Variants in STIMATE observed in about 807,000 individuals in gnomAD.
The protein encoded by STIMATE is STIM activating enhancer.
In STIMATE, 15 loss-of-function variants were observed where a neutral mutation model predicts 36.7. The observed-to-expected ratio is 0.41, with a 90% CI of 0.27 to 0.63. The LOEUF (loss-of-function observed/expected upper bound fraction) is 0.63. Ranked by LOEUF, STIMATE falls within the 20% of genes least tolerant of loss-of-function variation. STIMATE has a pLI of 0.32. For synonymous variants in STIMATE, 163 were observed against 162.3 expected, an observed-to-expected ratio of 1.00 and a Z score of -0.03; for missense variants, 305 against 397.3, an observed-to-expected ratio of 0.77 and a Z score of 1.98.
intron 1 of STIMATE, among the ~76,000 whole-genome samples, chr3:52,895,093 C>G (rs1220350025): frequency 6.6e-6 from 1 of 152,238 alleles, no homozygotes; most frequent in Non-Finnish European, 1.5e-5. Flanking sequence ...TAGCCCAGGA[C>G]AAAGCCAAAT....
chr3:52,890,266 G>T (rs117706149), intron 1 of STIMATE, among the ~76,000 whole-genome samples: 1 of 152,190 alleles, frequency 6.6e-6, no homozygotes, highest in Non-Finnish European at 1.5e-5. Context: ...ATCCAATAGC[G>T]GGCTTGGCAC....
chr3:52,875,228 G>A (rs1413888310), intron 1 of STIMATE, among the ~76,000 whole-genome samples: 1 of 152,214 alleles, frequency 6.6e-6, no homozygotes, highest in Non-Finnish European at 1.5e-5. Flanking sequence ...TCTAATTTGT[G>A]TTGGATAAGA....
At position 52,843,814 on chromosome 3, in the gene STIMATE, G is replaced by A. The variant is rs1311844174; in HGVS notation, c.541-16C>T. The stretch of plus-strand genomic sequence containing the variant: ...ACAGGGCCACCTGTAAAGAGAAGCA[G>A]ACTCAGTGAGGTAGGGAGAGGCCAC... On this transcript the variant is annotated splice_polypyrimidine_tract_variant and intron_variant, in intron 5 of 7. Transcript: ENST00000355083. The A allele has an allele frequency of 1.3e-6, 2 of 1,573,454 alleles. No homozygotes were observed. Among genetic ancestry groups the A allele is most frequent in the Non-Finnish European group, 1.7e-6 (2 of 1,154,744 alleles).
Position 52,842,676 on chromosome 3 carries a change from A to G in STIMATE, c.768+135T>C, listed in dbSNP as rs1578797157. ...TCTGCCCCTCGCTCATCTCTGGCTC[A>G]GCCTCTTCTCCTGCCCTCTGGCTCG... On this transcript the variant is annotated intron_variant, in intron 7 of 7. Coordinates refer to ENST00000355083, the MANE Select transcript of STIMATE (RefSeq NM_198563.5). 3.3e-6 allele frequency: 5 copies of G among 1,513,744 alleles called. No individual in the cohort carries two copies. In the East Asian group the frequency reaches 1.1e-4, roughly 34 times the overall value. 93.8% of individuals were successfully genotyped at this position (1,513,744 alleles called of 1,614,324 possible).
At chr3:52,840,955 T>C (rs1039064050) in intron 7 of STIMATE, among the ~76,000 whole-genome samples, 3 of 152,156 alleles carry the variant, frequency 2.0e-5, no homozygotes, top group African/African-American at 7.2e-5. Context: ...ATCCACCTGC[T>C]TCGGACTCCC....
chr3:52,842,248 C>T (rs893405195), intron 7 of STIMATE, among the ~76,000 whole-genome samples: 3 of 152,182 alleles, frequency 2.0e-5, no homozygotes, highest in East Asian at 1.9e-4. Context: ...GCTGCGGGGC[C>T]GCCAGAACAC....
chr3:52,882,155 G>A (rs1701615946), intron 1 of STIMATE, among the ~76,000 whole-genome samples: 1 of 152,204 alleles, frequency 6.6e-6, no homozygotes, highest in African/African-American at 2.4e-5. Flanking sequence ...CTGGGGGCTG[G>A]GGTCCTTAGC....
chr3:52,892,233 T>C (rs1446090067), intron 1 of STIMATE, among the ~76,000 whole-genome samples: 3 of 152,206 alleles, frequency 2.0e-5, no homozygotes, highest in Non-Finnish European at 4.4e-5. Flanking sequence ...TTAAAAAAAA[T>C]GCATTTGGTA....
intron 1 of STIMATE, among the ~76,000 whole-genome samples, chr3:52,876,101 G>C (rs1285169680): frequency 6.6e-6 from 1 of 152,244 alleles, no homozygotes; most frequent in African/African-American, 2.4e-5. Context: ...ATCAACATCA[G>C]CAATACTGGT....
intron 3 of STIMATE, among the ~76,000 whole-genome samples, chr3:52,850,797 C>T (rs1225046108): frequency 6.6e-6 from 1 of 152,210 alleles, no homozygotes; most frequent in Non-Finnish European, 1.5e-5. Flanking sequence ...GCGGTGCAAT[C>T]AGCTCACTGC....
intron 2 of STIMATE, among the ~76,000 whole-genome samples, chr3:52,852,958 A>G (rs1701033936): frequency 6.6e-6 from 1 of 152,202 alleles, no homozygotes; most frequent in Non-Finnish European, 1.5e-5. Context: ...TTACTTCAAA[A>G]TAAAATGCTC....
intron 1 of STIMATE, among the ~76,000 whole-genome samples, chr3:52,896,783 G>C (rs867197620): frequency 2.0e-4 from 31 of 152,170 alleles, no homozygotes; most frequent in African/African-American, 7.5e-4. Context: ...ACTGGGAAAC[G>C]GAAGGCATGG....
chr3:52,840,331 T>G lies in STIMATE; in HGVS notation c.*163A>C. On this transcript the variant is annotated 3_prime_UTR_variant, in exon 8 of 8. Coordinates refer to ENST00000355083, the MANE Select transcript of STIMATE (RefSeq NM_198563.5). ...GGGCGCTGGCTCCTCTTCCCTCTTT[T>G]TAAGTCACAGTAGTCTGGGGGCAGG... is the stretch of plus-strand genomic sequence containing the variant. 1.2e-6 allele frequency: 1 copy of G among 807,752 alleles called. No individual in the cohort carries two copies. Among genetic ancestry groups the G allele is most frequent in the Non-Finnish European group, 1.9e-6 (1 of 533,204 alleles). 50.0% of individuals were successfully genotyped at this position (807,752 alleles called of 1,614,324 possible).
chr3:52,859,530 A>T (rs868643749), intron 1 of STIMATE, among the ~76,000 whole-genome samples: 2 of 47,068 alleles, frequency 4.2e-5, no homozygotes, highest in African/African-American at 1.2e-4. Flanking sequence ...AAAAAAAAAA[A>T]ATTTTTTTTT....
At chr3:52,875,376 C>G (rs1701485446) in intron 1 of STIMATE, among the ~76,000 whole-genome samples, 1 of 152,128 alleles carries the variant, frequency 6.6e-6, no homozygotes, top group Non-Finnish European at 1.5e-5. Flanking sequence ...CCCTGGCCAG[C>G]CCCACCACAG....
chr3:52,890,429 C>T (rs1701764482), intron 1 of STIMATE, among the ~76,000 whole-genome samples: 1 of 152,234 alleles, frequency 6.6e-6, no homozygotes, highest in Non-Finnish European at 1.5e-5. Context: ...GGCGATTTGG[C>T]CCCCCAGGGG....
intron 1 of STIMATE, among the ~76,000 whole-genome samples, chr3:52,870,376 C>T (rs971811533): frequency 6.6e-6 from 1 of 152,156 alleles, no homozygotes; most frequent in Non-Finnish European, 1.5e-5. Context: ...TGTATCACCA[C>T]GGTTGTGGTT....
At chr3:52,847,157 C>G (rs965941533) in intron 4 of STIMATE, 2 of 924,894 alleles carry the variant, frequency 2.2e-6, no homozygotes, top group African/African-American at 1.8e-5. Flanking sequence ...CGATCCTCCC[C>G]GCTTAAGCCT....
intron 1 of STIMATE, among the ~76,000 whole-genome samples, chr3:52,870,109 C>G (rs1348380143): frequency 6.6e-6 from 1 of 152,164 alleles, no homozygotes; most frequent in African/African-American, 2.4e-5. Context: ...TCCGGAGTAG[C>G]TGGGATTACA....
Sources: gnomAD v4.1 joint callset for allele counts (sites outside exome capture counted in the v4.1 genomes callset) on GRCh38, gnomAD v4.1.1 for gene constraint, MANE v1.5 for transcripts, NCBI Gene and HGNC (gene_info 2026-07-23, HGNC 2026-07-21) for gene names.